The following RPS6KA2 variants were observed in gnomAD, a reference collection of about 807,000 sequenced individuals.
The protein encoded by RPS6KA2 is ribosomal protein S6 kinase A2, also known as ribosomal protein S6 kinase alpha-2.
A neutral mutation model predicts 91.8 loss-of-function variants in RPS6KA2; 42 were observed. The ratio of observed to expected loss-of-function variants is 0.46; its 90% confidence interval spans 0.36 to 0.59. RPS6KA2 has a LOEUF of 0.59. RPS6KA2 is among the 20% of genes least tolerant of loss of function. RPS6KA2 has a pLI of 0.00. For synonymous variants in RPS6KA2, 414 were observed against 393.6 expected (o/e 1.05, Z -0.61); for missense variants, 798 against 978.5 (o/e 0.82, Z 2.46).
intron 1 of RPS6KA2, among the ~76,000 whole-genome samples, chr6:166,548,073 T>A (rs1783884899): frequency 6.6e-6 from 1 of 152,202 alleles, no homozygotes; most frequent in South Asian, 2.1e-4. Flanking sequence ...CAAATGAAAG[T>A]TTACGTAGGC....
chr6:166,582,834 C>A (rs2128517157), intron 1 of RPS6KA2, among the ~76,000 whole-genome samples: 1 of 152,234 alleles, frequency 6.6e-6, no homozygotes, highest in Non-Finnish European at 1.5e-5. Context: ...CACAAAAAAA[C>A]CTCTTGAATA....
intron 2 of RPS6KA2, among the ~76,000 whole-genome samples, chr6:166,725,788 GCA>G (rs1790319963): frequency 6.6e-6 from 1 of 152,250 alleles, no homozygotes; most frequent in Admixed American, 6.5e-5. Context: ...CTGCCCCACA[GCA>G]CAGAGACTGG....
At position 166,849,737 on chromosome 6, in the gene RPS6KA2, C is replaced by T. The variant is rs971733064; in HGVS notation, c.123+8463G>A. ...TGCATACTCAGTCCCATGTGCCTGG[C>T]GCAGTGTGTGGCCTGAGACTGACAC... On this transcript the variant is annotated intron_variant, in intron 2 of 21. Coordinates refer to the RPS6KA2 transcript ENST00000503859. The surrounding 1 kb of genome is among the most constrained non-coding windows in gnomAD (Gnocchi z 4.9). Among the ~76,000 whole-genome samples, 3 of 152,244 alleles carry T rather than the reference C, an allele frequency of 2.0e-5. No homozygotes were observed. Among genetic ancestry groups the T allele is most frequent in the Non-Finnish European group, 4.4e-5 (3 of 68,042 alleles).
intron 2 of RPS6KA2, among the ~76,000 whole-genome samples, chr6:166,768,537 C>T (rs980039218): frequency 1.3e-5 from 2 of 152,072 alleles, no homozygotes; most frequent in African/African-American, 4.8e-5. Context: ...GGAGTTTCAG[C>T]AGGAGACTGG....
intron 2 of RPS6KA2, among the ~76,000 whole-genome samples, chr6:166,647,795 TAC>T (rs543838139): frequency 2.3e-5 from 3 of 130,684 alleles, no homozygotes; most frequent in African/African-American, 8.7e-5. Context: ...TGCACATGCT[TAC>T]ACACATACAT....
chr6:166,767,487 AT>A lies in RPS6KA2; in HGVS notation c.123+90712del. ...CTCCCTTCAGGATCCTACTTGGAAA[AT>A]TAATTTTGTGACTCAGCTGAGGGCT... On this transcript the variant is annotated intron_variant, in intron 2 of 21. Transcript: ENST00000503859. This position sits in a 1 kb window ranked among gnomAD's most constrained non-coding sequence, Gnocchi z 4.6. Among the ~76,000 whole-genome samples, 1 of 152,148 alleles carries A rather than the reference AT, an allele frequency of 6.6e-6. No individual in the cohort carries two copies. The highest frequency in any genetic ancestry group is 1.5e-5 in the Non-Finnish European group (1 of 68,040).
intron 2 of RPS6KA2, among the ~76,000 whole-genome samples, chr6:166,762,737 G>A (rs7759934): frequency 5.9e-5 from 9 of 152,162 alleles, no homozygotes; most frequent in Non-Finnish European, 8.8e-5. Flanking sequence ...CCCAGGAAAC[G>A]ACCTTCACTT....
At chr6:166,680,045 CTG>C (rs1282589456) in intron 2 of RPS6KA2, among the ~76,000 whole-genome samples, 3 of 152,204 alleles carry the variant, frequency 2.0e-5, no homozygotes, top group African/African-American at 7.2e-5. Flanking sequence ...AGTCAGCACT[CTG>C]TGTCTAGCTA....
intron 2 of RPS6KA2, among the ~76,000 whole-genome samples, chr6:166,818,467 C>T (rs1436459158): frequency 6.6e-6 from 1 of 152,178 alleles, no homozygotes; most frequent in Non-Finnish European, 1.5e-5. Flanking sequence ...CTGGCAGGTC[C>T]ATCCCTCATG....
At chr6:166,579,678 G>A (rs1784945550) in intron 1 of RPS6KA2, among the ~76,000 whole-genome samples, 2 of 152,226 alleles carry the variant, frequency 1.3e-5, no homozygotes, top group African/African-American at 4.8e-5. Flanking sequence ...GAAGCAGCCT[G>A]TGAAAAGTGT....
chr6:166,734,675 T>C (rs115522304), intron 2 of RPS6KA2, among the ~76,000 whole-genome samples: 14,826 of 152,214 alleles, frequency 0.097, 1,378 homozygotes, highest in African/African-American at 0.25. Context: ...GCGTGCTGAT[T>C]TTCCCTGTGA....
intron 2 of RPS6KA2, among the ~76,000 whole-genome samples, chr6:166,840,235 A>T (rs6917940): frequency 0.75 from 113,532 of 151,902 alleles, 44,059 homozygotes; most frequent in Middle Eastern, 0.92. Flanking sequence ...CTGGGCACCA[A>T]GTTCCTGCAA....
chr6:166,802,245 G>A (rs1174040485), intron 2 of RPS6KA2, among the ~76,000 whole-genome samples: 2 of 151,192 alleles, frequency 1.3e-5, no homozygotes, highest in Non-Finnish European at 2.9e-5. Context: ...ACTCCAGCCT[G>A]GGCAACAGAG....
chr6:166,726,937 G>A lies in RPS6KA2; in HGVS notation c.123+131263C>T, dbSNP rs965000177. Among the ~76,000 whole-genome samples the A allele has an allele frequency of 6.6e-5, 10 of 152,122 alleles. No homozygotes were observed. Among genetic ancestry groups the A allele is most frequent in the Middle Eastern group, 3.2e-3 (1 of 316 alleles). On this transcript the variant is annotated intron_variant, in intron 2 of 21. Coordinates refer to the RPS6KA2 transcript ENST00000503859. The surrounding 1 kb of genome is among the most constrained non-coding windows in gnomAD (Gnocchi z 4.4). ...ACCACGTAAGCCAAACCTGATTTCC[G>A]TGAAGAATTTCCCACTTGCACTCAT...
intron 2 of RPS6KA2, among the ~76,000 whole-genome samples, chr6:166,680,108 A>G (rs1788745717): frequency 6.6e-6 from 1 of 152,024 alleles, no homozygotes; most frequent in Admixed American, 6.6e-5. Context: ...AACGGTTTGT[A>G]AACGTGCCAA....
chr6:166,503,298 C>A (rs941395241), intron 6 of RPS6KA2, among the ~76,000 whole-genome samples: 20 of 152,378 alleles, frequency 1.3e-4, no homozygotes, highest in African/African-American at 4.8e-4. Flanking sequence ...AGCACATGGG[C>A]AAATGCATTT....
chr6:166,762,087 G>A (rs935608766), intron 2 of RPS6KA2, among the ~76,000 whole-genome samples: 13 of 152,170 alleles, frequency 8.5e-5, no homozygotes, highest in African/African-American at 3.1e-4. Flanking sequence ...TCACCACAGA[G>A]GTACATGGTC....
intron 1 of RPS6KA2, among the ~76,000 whole-genome samples, chr6:166,609,712 C>G (rs1192322016): frequency 1.3e-5 from 2 of 152,084 alleles, no homozygotes; most frequent in Admixed American, 6.5e-5. Flanking sequence ...GTTGGTCAGG[C>G]TGGTCTCGAA....
At chr6:166,649,674 C>A (rs920093076) in intron 2 of RPS6KA2, among the ~76,000 whole-genome samples, 5 of 152,204 alleles carry the variant, frequency 3.3e-5, no homozygotes, top group Non-Finnish European at 5.9e-5. Flanking sequence ...CAAGGCCTTG[C>A]AGGCAGGAGG....
Sources: allele counts gnomAD v4.1 joint callset (sites outside exome capture counted in the v4.1 genomes callset), GRCh38; gene constraint gnomAD v4.1.1; non-coding constraint Gnocchi (gnomAD v3.1); transcripts MANE v1.5; gene names NCBI Gene and HGNC (gene_info 2026-07-23, HGNC 2026-07-21).